Variants in HNRNPK observed in about 807,000 individuals in gnomAD.
The protein encoded by HNRNPK is dC-stretch binding protein.
A neutral mutation model predicts 67.0 loss-of-function variants in HNRNPK; 7 were observed. The ratio of observed to expected loss-of-function variants is 0.10; its 90% CI spans 0.06 to 0.20. HNRNPK has a LOEUF of 0.20. HNRNPK is among the 10% of genes least tolerant of loss of function. The pLI is 1.00. For synonymous variants in HNRNPK, 213 were observed against 193.7 expected, an observed-to-expected ratio of 1.10 and a Z score of -0.83; for missense variants, 264 against 606.5, an observed-to-expected ratio of 0.44 and a Z score of 5.93.
intron 4 of HNRNPK, among the ~76,000 whole-genome samples, chr9:83,977,397 C>T (rs1957119494): frequency 6.6e-6 from 1 of 152,076 alleles, no homozygotes; most frequent in Non-Finnish European, 1.5e-5. Context: ...AAACTGCCAA[C>T]CAAGCAGTTT....
rs1564055448 is a variant in HNRNPK, at chr9:83,968,473, A to AT, written c.*933dup. On this transcript the variant is annotated 3_prime_UTR_variant, in exon 17 of 17. Coordinates refer to ENST00000376263, the MANE Select transcript of HNRNPK (RefSeq NM_031263.4). ...AGAAATTATCTAATAAAAATAATCA[A>AT]TTTTTTCAGCATTAGTCACTTCCAT... The AT allele has an allele frequency of 1.3e-5, 2 of 152,530 alleles. No individual in the cohort carries two copies. Among genetic ancestry groups the AT allele is most frequent in the Admixed American group, 1.3e-4 (2 of 15,260 alleles). The allele number at this position is 152,530 out of a possible 1,614,324, so 9.4% of individuals were successfully genotyped here.
intron 12 of HNRNPK, 91 bp from the exon 13 acceptor site, chr9:83,971,447 CAA>C (rs908278468): frequency 1.4e-5 from 13 of 945,310 alleles, no homozygotes; most frequent in South Asian, 9.4e-5. Flanking sequence ...TACATTAAAA[CAA>C]AAGAGGGTAC....
chr9:83,973,414 T>A lies in HNRNPK; in HGVS notation c.403-15A>T. 1 of 1,428,912 alleles carries A rather than the reference T, an allele frequency of 7.0e-7. No homozygotes were observed. The highest frequency in any genetic ancestry group is 9.9e-7 in the Non-Finnish European group (1 of 1,012,704). 88.5% of individuals were successfully genotyped at this position (1,428,912 alleles called of 1,614,324 possible). ...TAGTGTTGGTACTGTGGAGGGAGAA[T>A]TATAAAATTTTAGTCTCAAATCAAC... On this transcript the variant is annotated splice_polypyrimidine_tract_variant and intron_variant, in intron 8 of 16. Coordinates refer to ENST00000376263, the MANE Select transcript of HNRNPK (RefSeq NM_031263.4).
At chr9:83,969,634 A>G in intron 16 of HNRNPK, 194 bp from the exon 17 acceptor site, 1 of 619,848 alleles carries the variant, frequency 1.6e-6, no homozygotes, top group South Asian at 2.0e-5. Context: ...TAAATCGGAC[A>G]TTAGTAGAAC....
At chr9:83,979,467 A>G (rs1224839920) in intron 1 of HNRNPK, among the ~76,000 whole-genome samples, 1 of 152,222 alleles carries the variant, frequency 6.6e-6, no homozygotes, top group African/African-American at 2.4e-5. Context: ...CCCAGGCCTC[A>G]AAAATCCGCT....
At chr9:83,970,451 G>A (rs192198575) in intron 15 of HNRNPK, 120 bp from the exon 16 acceptor site, 30 of 790,036 alleles carry the variant, frequency 3.8e-5, no homozygotes, top group African/African-American at 7.0e-5. Flanking sequence ...ATGATCTAAC[G>A]CTCCCTAAAC....
chr9:83,975,879 G>A (rs1957043995), intron 5 of HNRNPK: 1 of 216,064 alleles, frequency 4.6e-6, no homozygotes, highest in Non-Finnish European at 9.4e-6. Flanking sequence ...GACCTCAAAT[G>A]ATGGTTCTAG....
chr9:83,970,640 G>A (rs1588411807), intron 15 of HNRNPK, 97 bp downstream of exon 15: 1 of 859,948 alleles, frequency 1.2e-6, no homozygotes, highest in South Asian at 1.6e-5. Flanking sequence ...TCCTAAATGT[G>A]TATTTTTGTT....
intron 5 of HNRNPK, chr9:83,976,618 T>C (rs1167115509): frequency 6.2e-6 from 1 of 162,566 alleles, no homozygotes; most frequent in Non-Finnish European, 1.3e-5. Flanking sequence ...AAAATTTTTC[T>C]GGATTTAACC....
At position 83,971,415 on chromosome 9, in the gene HNRNPK, T is replaced by C. The variant is rs1956834055; in HGVS notation, c.1009-59A>G. 2.2e-5 allele frequency: 25 copies of C among 1,146,836 alleles called. 1 individual carries two copies. The highest frequency in any genetic ancestry group is 3.9e-4 in the Middle Eastern group (2 of 5,080). The allele number at this position is 1,146,836 out of a possible 1,614,324, so 71.0% of individuals were successfully genotyped here. A position where few individuals can be genotyped will look rare whatever the true frequency, so the allele number is the denominator to read the frequency against. On this transcript the variant is annotated intron_variant, in intron 12 of 16. Transcript: ENST00000376263. Reference sequence around the variant, plus strand: ...ATTGTATTTTGTTATAGAGCTGTTTTTAATATGCCTAATTTGCATGTTACA... The same window carrying C: ...ATTGTATTTTGTTATAGAGCTGTTTCTAATATGCCTAATTTGCATGTTACA...
At chr9:83,977,864 T>C in intron 3 of HNRNPK, 78 bp from the exon 4 acceptor site, 2 of 902,802 alleles carry the variant, frequency 2.2e-6, no homozygotes, top group South Asian at 1.4e-5. Context: ...AGAGACTTGT[T>C]GCTAATCTTA....
rs1957130819 is a variant in HNRNPK at position 83,977,617 on chromosome 9, G to A, written c.156+72C>T. 8 of 868,490 alleles carry A rather than the reference G, an allele frequency of 9.2e-6. No individual in the cohort carries two copies. The South Asian group carries it at 1.2e-4, about 13-fold the overall frequency. 53.8% of individuals were successfully genotyped at this position (868,490 alleles called of 1,614,324 possible). On this transcript the variant is annotated intron_variant, in intron 4 of 16. Coordinates refer to ENST00000376263, the MANE Select transcript of HNRNPK (RefSeq NM_031263.4). ...CAATCTGTAAAACTTTGACTTTCTA[G>A]AAAGCCAAACCAGACCTTAATTTCT...
Position 83,973,965 on chromosome 9 carries a change from C to G in HNRNPK, c.339G>C (p.Gln113His). The G allele has an allele frequency of 6.2e-7, 1 of 1,612,772 alleles. No individual in the cohort carries two copies. Among genetic ancestry groups the G allele is most frequent in the Non-Finnish European group, 8.5e-7 (1 of 1,178,858 alleles). Residue 113 changes from glutamine (Q) to histidine (H), a missense_variant, in exon 8 of 17, where the codon CAG becomes CAC. This residue lies in a region of HNRNPK where 39 missense variants were observed against 54.4 expected (regional missense o/e 0.72). Transcript: ENST00000376263. ...GGCTGGTTGCAGTGGGTGATGGCAA[C>G]TGCAGGCCCTGAAAGTAGAAAAATA... is the stretch of plus-strand genomic sequence containing the variant. ...KIIPTLEEGL[Q>H]LPSPTATSQL... is the part of the protein sequence containing the mutation.
intron 16 of HNRNPK, chr9:83,969,923 A>C (rs1261272287): frequency 1.6e-6 from 1 of 636,030 alleles, no homozygotes; most frequent in Non-Finnish European, 3.0e-6. Flanking sequence ...AGCAGTTTTC[A>C]CCAGAGAAAT....
At chr9:83,970,135 C>G (rs745809658) in intron 16 of HNRNPK, 27 bp downstream of exon 16, 2 of 1,583,842 alleles carry the variant, frequency 1.3e-6, no homozygotes, top group Non-Finnish European at 1.7e-6. Context: ...TATGTATAAG[C>G]TAACACAAAG....
chr9:83,979,272 C>T (rs1431625099), intron 1 of HNRNPK, among the ~76,000 whole-genome samples: 1 of 152,232 alleles, frequency 6.6e-6, no homozygotes, highest in Non-Finnish European at 1.5e-5. Flanking sequence ...TTCTCCCATA[C>T]CGTTGGTCGA....
chr9:83,979,734 C>G (rs893265116), intron 1 of HNRNPK, among the ~76,000 whole-genome samples: 6 of 152,226 alleles, frequency 3.9e-5, no homozygotes, highest in Middle Eastern at 6.8e-3. Context: ...CATCCTCCCC[C>G]CACTGCCCGA....
At position 83,971,862 on chromosome 9, in the gene HNRNPK, C is replaced by G; in HGVS notation, c.953+20G>C. ...TAGATGGGGGAAGAAAAAACAACAACAACAAAAAAAACAACTTACCCCCCT... is the reference window on the plus strand; with the variant it reads ...TAGATGGGGGAAGAAAAAACAACAAGAACAAAAAAAACAACTTACCCCCCT... On this transcript the variant is annotated intron_variant, in intron 11 of 16. Transcript: ENST00000376263. 2 of 1,555,420 alleles carry G rather than the reference C, an allele frequency of 1.3e-6. No homozygotes were observed. The highest frequency in any genetic ancestry group is 1.7e-6 in the Non-Finnish European group (2 of 1,153,510).
intron 5 of HNRNPK, among the ~76,000 whole-genome samples, chr9:83,975,948 G>C (rs1026772233): frequency 6.6e-6 from 1 of 152,082 alleles, no homozygotes; most frequent in Non-Finnish European, 1.5e-5. Context: ...GCTCATGAGG[G>C]TAGACACAAA....
Sources: allele counts gnomAD v4.1 joint callset (sites outside exome capture counted in the v4.1 genomes callset), GRCh38; gene constraint gnomAD v4.1.1; regional missense constraint gnomAD v4.1.1; transcripts MANE v1.5; gene names NCBI Gene and HGNC (gene_info 2026-07-23, HGNC 2026-07-21).